The following SHANK2 variants were observed in gnomAD, a reference collection of about 807,000 sequenced individuals.
SHANK2 encodes the protein SH3 and multiple ankyrin repeat domains protein 2.
In SHANK2, 43 loss-of-function variants were observed where a neutral mutation model predicts 133.7. That is an observed-to-expected ratio of 0.32 (90% CI 0.25 to 0.41). The LOEUF is 0.41. Ranked by LOEUF, SHANK2 falls within the 10% of genes least tolerant of loss-of-function variation. The probability of loss-of-function intolerance (pLI) is 1.00; values close to 1 mark genes in which losing one functional copy is unlikely to be tolerated. For synonymous variants in SHANK2, 1,017 were observed against 952.8 expected, an observed-to-expected ratio of 1.07 and a Z score of -1.24; for missense variants, 1,994 against 2,235.8, an observed-to-expected ratio of 0.89 and a Z score of 2.18.
intron 25 of SHANK2, among the ~76,000 whole-genome samples, chr11:70,480,570 T>C (rs1043983981): frequency 1.3e-5 from 2 of 152,222 alleles, no homozygotes; most frequent in Non-Finnish European, 2.9e-5. Context: ...CCTCGAGAAT[T>C]TGAGCTCCCC....
At position 70,569,334 on chromosome 11, in the gene SHANK2, C is replaced by T. The variant is rs936080491; in HGVS notation, c.2062-66403G>A. On this transcript the variant is annotated intron_variant, in intron 17 of 25. Transcript: ENST00000601538. This position sits in a 1 kb window ranked among gnomAD's most constrained non-coding sequence, Gnocchi z 5.1. ...AGCGTCTGGGGTGATCCTGCTCATG[C>T]GCCTCATGGACGCATCTTGCCCCGG... 6.6e-6 allele frequency among the ~76,000 whole-genome samples: 1 copy of T among 152,198 alleles called. No individual in the cohort carries two copies.
intron 17 of SHANK2, among the ~76,000 whole-genome samples, chr11:70,529,399 G>C (rs1006880031): frequency 6.6e-6 from 1 of 152,224 alleles, no homozygotes; most frequent in Non-Finnish European, 1.5e-5. Flanking sequence ...GGCAGTTGGG[G>C]TTCAACACAC....
rs11824860 is a variant in SHANK2 at position 70,730,372 on chromosome 11, C to T, written c.1778-31609G>A. Among the ~76,000 whole-genome samples, 1,117 of 152,252 alleles carry T rather than the reference C, an allele frequency of 7.3e-3. 9 individuals are homozygous for T. The highest frequency in any genetic ancestry group is 0.025 in the African/African-American group (1,043 of 41,538). ...GAGATTGCAACCTCCCCACTCACGCCCAATTGTCCCCATGATCTCATCACA... is the reference window on the plus strand; with the variant it reads ...GAGATTGCAACCTCCCCACTCACGCTCAATTGTCCCCATGATCTCATCACA... On this transcript the variant is annotated intron_variant, in intron 14 of 25. Transcript: ENST00000601538.
intron 14 of SHANK2, among the ~76,000 whole-genome samples, chr11:70,727,760 C>T (rs1946205685): frequency 6.6e-6 from 1 of 152,174 alleles, no homozygotes; most frequent in Non-Finnish European, 1.5e-5. Context: ...GGGTTGGGGG[C>T]CCCAGCCCTA....
chr11:70,552,429 A>G (rs2059781637), intron 17 of SHANK2, among the ~76,000 whole-genome samples: 1 of 152,240 alleles, frequency 6.6e-6, no homozygotes, highest in Non-Finnish European at 1.5e-5. Flanking sequence ...CCCATGTCAC[A>G]GCGAGTCATT....
At chr11:70,743,132 G>T (rs1363971274) in intron 14 of SHANK2, among the ~76,000 whole-genome samples, 2 of 151,546 alleles carry the variant, frequency 1.3e-5, no homozygotes, top group African/African-American at 4.8e-5. Flanking sequence ...GGCACAGGGC[G>T]GGGGCTGGAG....
chr11:71,122,773 C>T (rs1196898421), intron 3 of SHANK2, among the ~76,000 whole-genome samples: 1 of 152,074 alleles, frequency 6.6e-6, no homozygotes, highest in East Asian at 1.9e-4. Flanking sequence ...CTGGTAAGCC[C>T]CCAGAAGCTG....
chr11:70,679,713 C>T (rs782452440), intron 15 of SHANK2, among the ~76,000 whole-genome samples: 11 of 152,330 alleles, frequency 7.2e-5, no homozygotes, highest in African/African-American at 2.4e-4. Context: ...CGGTGTCTGG[C>T]GCATTTTGGG....
At chr11:70,520,013 G>A (rs1164385682) in intron 17 of SHANK2, among the ~76,000 whole-genome samples, 5 of 151,046 alleles carry the variant, frequency 3.3e-5, no homozygotes, top group African/African-American at 1.2e-4. Context: ...CTCCCAAAGT[G>A]TTGGGATGAC....
intron 15 of SHANK2, among the ~76,000 whole-genome samples, chr11:70,672,193 A>G (rs1555016243): frequency 6.6e-6 from 1 of 150,802 alleles, no homozygotes; most frequent in Non-Finnish European, 1.5e-5. Context: ...CCTCCTGAGT[A>G]GCTGGGATTA....
chr11:70,753,502 C>A (rs1490078678), intron 14 of SHANK2, among the ~76,000 whole-genome samples: 3 of 152,050 alleles, frequency 2.0e-5, no homozygotes, highest in Non-Finnish European at 4.4e-5. Context: ...GGACAGCAAT[C>A]AATAAGCTAA....
intron 2 of SHANK2, among the ~76,000 whole-genome samples, chr11:71,176,425 AG>A (rs1953446749): frequency 6.6e-6 from 1 of 152,248 alleles, no homozygotes; most frequent in Non-Finnish European, 1.5e-5. Context: ...ACCAATCAAA[AG>A]TAAGCAAAAA....
chr11:70,635,714 T>A (rs2061067003), intron 17 of SHANK2, among the ~76,000 whole-genome samples: 1 of 151,982 alleles, frequency 6.6e-6, no homozygotes, highest in South Asian at 2.1e-4. Flanking sequence ...TTACGGTATG[T>A]GCACTGTACT....
chr11:70,733,934 C>T (rs1293524156), intron 14 of SHANK2, among the ~76,000 whole-genome samples: 2 of 152,334 alleles, frequency 1.3e-5, no homozygotes, highest in Middle Eastern at 3.4e-3. Context: ...AGGCCCACCT[C>T]GTGCCTGGCC....
At chr11:70,885,282 G>T (rs1363713355) in intron 11 of SHANK2, among the ~76,000 whole-genome samples, 1 of 152,212 alleles carries the variant, frequency 6.6e-6, no homozygotes, top group African/African-American at 2.4e-5. Context: ...GGGGGATGGA[G>T]TGGGAAAGGC....
intron 14 of SHANK2, among the ~76,000 whole-genome samples, chr11:70,742,324 T>G (rs1204881348): frequency 6.6e-6 from 1 of 152,126 alleles, no homozygotes; most frequent in African/African-American, 2.4e-5. Context: ...CAGACCCTAT[T>G]GTCTCTTGGT....
chr11:70,922,971 C>T (rs1284791426), intron 10 of SHANK2, among the ~76,000 whole-genome samples: 3 of 152,002 alleles, frequency 2.0e-5, no homozygotes, highest in African/African-American at 7.2e-5. Context: ...AAAAAAAAAT[C>T]CACACATTTG....
At chr11:70,769,616 C>CA (rs1555042208) in intron 14 of SHANK2, among the ~76,000 whole-genome samples, 1 of 152,218 alleles carries the variant, frequency 6.6e-6, no homozygotes, top group Admixed American at 6.5e-5. Flanking sequence ...CATGTGCGTG[C>CA]ATGCACATGT....
chr11:70,685,952 C>CA (rs1945138689), intron 15 of SHANK2, among the ~76,000 whole-genome samples: 1 of 152,140 alleles, frequency 6.6e-6, no homozygotes, highest in Admixed American at 6.5e-5. Flanking sequence ...CTCACCCATC[C>CA]ATGCATCCAT....
Sources: allele counts gnomAD v4.1 joint callset (sites outside exome capture counted in the v4.1 genomes callset), GRCh38; gene constraint gnomAD v4.1.1; non-coding constraint Gnocchi (gnomAD v3.1); transcripts MANE v1.5; gene names NCBI Gene and HGNC (gene_info 2026-07-23, HGNC 2026-07-21).